The following LY75 variants were observed in gnomAD, a reference collection of about 807,000 sequenced individuals.
LY75 encodes the protein C-type lectin domain family 13 member B.
LY75 carries 185 observed loss-of-function variants against 231.7 expected under a neutral mutation model. The observed-to-expected ratio is 0.80, with a 90% CI of 0.71 to 0.90. The LOEUF is 0.90. Ranked by LOEUF, LY75 falls within the 40% of genes least tolerant of loss-of-function variation. LY75 has a pLI of 0.00. For missense variants in LY75, 1,947 were observed against 2,050.2 expected, an observed-to-expected ratio of 0.95 and a Z score of 0.97; for synonymous variants, 668 against 689.0, an observed-to-expected ratio of 0.97 and a Z score of 0.48.
intron 23 of LY75, among the ~76,000 whole-genome samples, chr2:159,844,661 T>C (rs1469349): frequency 0.66 from 99,760 of 151,232 alleles, 33,546 homozygotes; most frequent in Non-Finnish European, 0.73. Flanking sequence ...CAAGAAAATC[T>C]AATGAAAAAC....
chr2:159,806,541 A>G (rs1682797773), intron 34 of LY75, among the ~76,000 whole-genome samples: 1 of 152,208 alleles, frequency 6.6e-6, no homozygotes, highest in Non-Finnish European at 1.5e-5. Context: ...AGATACCCTG[A>G]ATGTTTTCAA....
intron 4 of LY75, among the ~76,000 whole-genome samples, chr2:159,889,468 T>C (rs1685687864): frequency 6.6e-6 from 1 of 152,100 alleles, no homozygotes; most frequent in Admixed American, 6.6e-5. Flanking sequence ...CTTCAAGTAA[T>C]CCTCCTGCCT....
intron 25 of LY75, among the ~76,000 whole-genome samples, chr2:159,837,951 C>T (rs1467570223): frequency 6.6e-6 from 1 of 152,128 alleles, no homozygotes; most frequent in Non-Finnish European, 1.5e-5. Context: ...TCTTGACTTC[C>T]TTTAATTCTA....
chr2:159,818,417 C>T (rs145538599), intron 29 of LY75, among the ~76,000 whole-genome samples: 19 of 152,240 alleles, frequency 1.2e-4, no homozygotes, highest in African/African-American at 2.4e-4. Context: ...GAAAAACATA[C>T]GCCAACCCAA....
chr2:159,809,519 T>C (rs772876792), intron 32 of LY75, among the ~76,000 whole-genome samples: 1 of 152,204 alleles, frequency 6.6e-6, no homozygotes, highest in Non-Finnish European at 1.5e-5. Context: ...ACTACTTAGC[T>C]AACTTTACAA....
At chr2:159,808,338 G>C (rs774884475) in intron 33 of LY75, 111 bp downstream of exon 33, 151 of 1,567,596 alleles carry the variant, frequency 9.6e-5, no homozygotes, top group Non-Finnish European at 1.3e-4. Flanking sequence ...TATTTATCCA[G>C]AAGAGGCATC....
At chr2:159,871,025 A>G (rs1347825633) in intron 13 of LY75, among the ~76,000 whole-genome samples, 1 of 152,196 alleles carries the variant, frequency 6.6e-6, no homozygotes, top group African/African-American at 2.4e-5. Context: ...AAGATTAACA[A>G]TAGTGATGAT....
At chr2:159,850,327 C>G (rs1293378212) in intron 22 of LY75, 35 bp downstream of exon 22, 1 of 1,609,958 alleles carries the variant, frequency 6.2e-7, no homozygotes, top group African/African-American at 1.3e-5. Context: ...GGCCCCAGAT[C>G]AGAATAAAAC....
chr2:159,842,114 A>G, intron 24 of LY75, 131 bp downstream of exon 24: 3 of 1,094,050 alleles, frequency 2.7e-6, no homozygotes, highest in Non-Finnish European at 3.6e-6. Flanking sequence ...CCAGGTGGTA[A>G]GCATACTACC....
At chr2:159,884,792 A>G (rs1685536629) in intron 6 of LY75, among the ~76,000 whole-genome samples, 1 of 152,124 alleles carries the variant, frequency 6.6e-6, no homozygotes, top group Admixed American at 6.6e-5. Context: ...GAGAGCTTGC[A>G]TTTCTAACAG....
chr2:159,884,606 G>A, intron 6 of LY75, among the ~76,000 whole-genome samples: 1 of 152,172 alleles, frequency 6.6e-6, no homozygotes, highest in East Asian at 1.9e-4. Flanking sequence ...TGGGGCACAA[G>A]GTAGAGAAGC....
chr2:159,860,485 T>C (rs1402309273), intron 15 of LY75, among the ~76,000 whole-genome samples: 2 of 152,168 alleles, frequency 1.3e-5, no homozygotes, highest in African/African-American at 4.8e-5. Context: ...TTGTAGAAAC[T>C]CTATCCATCC....
intron 23 of LY75, among the ~76,000 whole-genome samples, chr2:159,842,711 A>G (rs1684075795): frequency 6.6e-6 from 1 of 152,180 alleles, no homozygotes; most frequent in South Asian, 2.1e-4. Flanking sequence ...AGATTTTTAT[A>G]GACTTTTTGT....
chr2:159,876,394 G>A (rs1027049418), intron 11 of LY75, among the ~76,000 whole-genome samples: 1 of 152,056 alleles, frequency 6.6e-6, no homozygotes, highest in Non-Finnish European at 1.5e-5. Context: ...AAAAGTAATA[G>A]GACAACTTCT....
chr2:159,807,413 CAGAT>C (rs1047540650), intron 33 of LY75, among the ~76,000 whole-genome samples: 1 of 152,220 alleles, frequency 6.6e-6, no homozygotes, highest in Non-Finnish European at 1.5e-5. Flanking sequence ...TTGGACAACA[CAGAT>C]AGAGAATGTG....
chr2:159,870,276 C>T (rs1045123496), intron 13 of LY75, among the ~76,000 whole-genome samples: 3 of 152,042 alleles, frequency 2.0e-5, no homozygotes, highest in Non-Finnish European at 4.4e-5. Context: ...CATGGAAAAA[C>T]CCGTTTCTAC....
intron 13 of LY75, among the ~76,000 whole-genome samples, chr2:159,866,435 T>C (rs1298038869): frequency 6.6e-6 from 1 of 152,222 alleles, no homozygotes; most frequent in Non-Finnish European, 1.5e-5. Flanking sequence ...TGTCCTGTTT[T>C]GGTTTTTATT....
At chr2:159,890,618 C>G (rs1287948667) in intron 3 of LY75, among the ~76,000 whole-genome samples, 2 of 152,104 alleles carry the variant, frequency 1.3e-5, no homozygotes, top group African/African-American at 4.8e-5. Context: ...TTATCCCTAT[C>G]AATTACAATG....
intron 28 of LY75, among the ~76,000 whole-genome samples, chr2:159,825,273 G>A (rs1683426400): frequency 6.6e-6 from 1 of 152,070 alleles, no homozygotes; most frequent in African/African-American, 2.4e-5. Flanking sequence ...TGATATAGGG[G>A]ATACCACCAC....
Sources: gnomAD v4.1 joint callset for allele counts (sites outside exome capture counted in the v4.1 genomes callset) on GRCh38, gnomAD v4.1.1 for gene constraint, MANE v1.5 for transcripts, NCBI Gene and HGNC (gene_info 2026-07-23, HGNC 2026-07-21) for gene names.